The following FCGR3A variants were observed in gnomAD, a reference collection of about 807,000 sequenced individuals.
FCGR3A encodes low affinity immunoglobulin gamma Fc region receptor III-A.
Under a neutral mutation model 24.1 loss-of-function variants are expected in FCGR3A, and 13 were observed. That is an observed-to-expected ratio of 0.54 (90% CI 0.35 to 0.86). The LOEUF (loss-of-function observed/expected upper bound fraction) is 0.86. FCGR3A is among the 40% of genes least tolerant of loss of function. The pLI, the probability that FCGR3A is intolerant of heterozygous loss-of-function variation, is 0.01. For missense variants in FCGR3A, 235 were observed against 298.0 expected (o/e 0.79, Z 1.56); for synonymous variants, 93 against 112.2 (o/e 0.83, Z 1.08).
chr1:161,546,609 G>A (rs1452271129), intron 3 of FCGR3A, among the ~76,000 whole-genome samples: 1 of 151,978 alleles, frequency 6.6e-6, no homozygotes, highest in Non-Finnish European at 1.5e-5. Flanking sequence ...CTGCCTGAAA[G>A]AAGTAAAAAA....
At chr1:161,543,278 T>C in intron 4 of FCGR3A, 79 bp from the exon 5 acceptor site, 1 of 1,525,654 alleles carries the variant, frequency 6.6e-7, no homozygotes, top group Non-Finnish European at 8.9e-7. Flanking sequence ...AGGTCACCAG[T>C]AGAAAGTCTT....
At chr1:161,546,186 G>T (rs1557854944) in intron 3 of FCGR3A, among the ~76,000 whole-genome samples, 1 of 152,030 alleles carries the variant, frequency 6.6e-6, no homozygotes. Context: ...CAAACAGAAA[G>T]TAATCTTCAT....
upstream of FCGR3A, chr1:161,549,923 T>A (rs915403696): frequency 6.5e-7 from 1 of 1,536,226 alleles, no homozygotes; most frequent in Non-Finnish European, 8.9e-7. Context: ...AGCCCCACCA[T>A]AGAACAGGAC....
In FCGR3A at chr1:161,542,991, A is replaced by G. The variant is rs779795990; in HGVS notation, c.*21T>C. On this transcript the variant is annotated 3_prime_UTR_variant, in exon 5 of 5. Transcript: ENST00000443193. ...CAGAGATGCTGCTGCTACTGCTCTT[A>G]TTACCCCCATGGGATGGGGGTCATT... 8.8e-6 allele frequency: 14 copies of G among 1,589,172 alleles called. No homozygotes were observed. In the East Asian group the frequency reaches 1.8e-4, roughly 20 times the overall value.
chr1:161,548,291 A>C, intron 3 of FCGR3A, 130 bp downstream of exon 3: 1 of 1,474,854 alleles, frequency 6.8e-7, no homozygotes, highest in Non-Finnish European at 9.3e-7. Context: ...GATACCATTC[A>C]GTGGGACCAC....
intron 3 of FCGR3A, chr1:161,545,292 A>T (rs1474978710): frequency 8.7e-6 from 3 of 343,430 alleles, no homozygotes; most frequent in Admixed American, 8.7e-5. Context: ...GTGGCAGGTG[A>T]CAAGGATTCA....
At chr1:161,547,887 T>G (rs1410846211) in intron 3 of FCGR3A, among the ~76,000 whole-genome samples, 2 of 152,302 alleles carry the variant, frequency 1.3e-5, no homozygotes, top group Non-Finnish European at 2.9e-5. Flanking sequence ...CTGACCAACA[T>G]GGTGAAACCC....
At chr1:161,549,921 C>T (rs529683251), upstream of FCGR3A, 2 of 1,543,040 alleles carry the variant, frequency 1.3e-6, no homozygotes, top group South Asian at 2.4e-5. Flanking sequence ...GGAGCCCCAC[C>T]ATAGAACAGG....
At chr1:161,547,749 C>T (rs1475941240) in intron 3 of FCGR3A, among the ~76,000 whole-genome samples, 1 of 152,248 alleles carries the variant, frequency 6.6e-6, no homozygotes, top group Non-Finnish European at 1.5e-5. Flanking sequence ...GATTGAGGTC[C>T]TAACACCAAA....
intron 1 of FCGR3A, 36 bp downstream of exon 1, chr1:161,549,661 C>T (rs1181519016): frequency 1.9e-6 from 3 of 1,612,166 alleles, no homozygotes; most frequent in Non-Finnish European, 2.5e-6. Flanking sequence ...CAAGGCATCT[C>T]AAACTTCTCC....
At chr1:161,543,797 T>G (rs1434119913) in intron 4 of FCGR3A, among the ~76,000 whole-genome samples, 153 of 152,064 alleles carry the variant, frequency 1.0e-3, no homozygotes, top group African/African-American at 3.5e-3. Context: ...TTTGCTGCCT[T>G]TCTACATGCA....
At position 161,548,640 on chromosome 1, in the gene FCGR3A, A is replaced by G. The variant is rs780437274; in HGVS notation, c.100T>C (p.Trp34Arg). The change falls in exon 3 of 5, where the codon TGG becomes CGG. Residue 34 changes from tryptophan to arginine, a missense_variant. Trp to Arg is a moderately radical substitution (Grantham distance 101). Coordinates refer to ENST00000443193, the MANE Select transcript of FCGR3A (RefSeq NM_000569.8). ...CTGTCCTTCTCGAGCACCCTGTACC[A>G]TTGAGGCTCCAGGAACACCACAGCC... ...PKAVVFLEPQWYRVLEKDSVT... is the reference protein window; with the variant it reads ...PKAVVFLEPQRYRVLEKDSVT... 5.0e-6 allele frequency: 8 copies of G among 1,613,810 alleles called. No homozygotes were observed. In the African/African-American group the frequency reaches 6.7e-5, roughly 13 times the overall value.
Position 161,544,751 on chromosome 1 carries a change from A to G in FCGR3A, c.527T>C (p.Phe176Ser). The G allele has an allele frequency of 1.2e-6, 2 of 1,612,134 alleles. No individual in the cohort carries two copies. Among genetic ancestry groups the G allele is most frequent in the Non-Finnish European group, 1.7e-6 (2 of 1,178,446 alleles). The change falls in exon 4 of 5, where the codon TTT becomes TCT. Residue 176 changes from phenylalanine to serine, a missense_variant. Transcript: ENST00000443193. ...CTCTGAAGACACATTTTTACTCCCA[A>G]AAAGCCCCCTGCAGAAGTAGGAGCC... Reference protein sequence around the residue: ...DSGSYFCRGLFGSKNVSSETV... With the variant: ...DSGSYFCRGLSGSKNVSSETV...
chr1:161,546,904 C>T (rs1557855669), intron 3 of FCGR3A, among the ~76,000 whole-genome samples: 1 of 151,220 alleles, frequency 6.6e-6, no homozygotes, highest in Non-Finnish European at 1.5e-5. Flanking sequence ...GACTCTGTCT[C>T]AAAAACAAAA....
Position 161,542,784 on chromosome 1 carries a change from C to T in FCGR3A, c.*228G>A, listed in dbSNP as rs1381967024. On this transcript the variant is annotated 3_prime_UTR_variant, in exon 5 of 5. Transcript: ENST00000443193. Reference sequence around the variant, plus strand: ...AAGTGTTTGTGTAGCTCTGAAACTTCAATTTCTAGGAATGCAGCTACTCAC... The same window carrying T: ...AAGTGTTTGTGTAGCTCTGAAACTTTAATTTCTAGGAATGCAGCTACTCAC... 1 of 426,418 alleles carries T rather than the reference C, an allele frequency of 2.3e-6. No homozygotes were observed. The highest frequency in any genetic ancestry group is 4.2e-6 in the Non-Finnish European group (1 of 237,122). The allele number at this position is 426,418 out of a possible 1,614,324, so 26.4% of individuals were successfully genotyped here. A position where few individuals can be genotyped will look rare whatever the true frequency, so the allele number is the denominator to read the frequency against.
rs746705904 is a variant in FCGR3A, at chr1:161,542,278, C to G, written c.*734G>C. On this transcript the variant is annotated 3_prime_UTR_variant, in exon 5 of 5. Coordinates refer to ENST00000443193, the MANE Select transcript of FCGR3A (RefSeq NM_000569.8). ...GGTTTGTTCTGTACTTTCTTTTCCA[C>G]CCCACCCCCCACCGCAATCCTCAGT... is the stretch of plus-strand genomic sequence containing the variant. The G allele has an allele frequency of 1.3e-5, 2 of 151,522 alleles. No homozygotes were observed. The highest frequency in any genetic ancestry group is 2.1e-4 in the South Asian group (1 of 4,768). 9.4% of individuals were successfully genotyped at this position (151,522 alleles called of 1,614,324 possible).
intron 3 of FCGR3A, 72 bp downstream of exon 3, chr1:161,548,349 C>G: frequency 6.2e-7 from 1 of 1,606,222 alleles, no homozygotes. Context: ...ATCTCTGGCT[C>G]TTACCAAGTA....
chr1:161,549,843 A>G (rs1557859030), upstream of FCGR3A: 2 of 1,612,382 alleles, frequency 1.2e-6, no homozygotes, highest in South Asian at 1.1e-5. Context: ...CCCTCCACCC[A>G]TCTCTGTCAC....
At position 161,546,861 on chromosome 1, in the gene FCGR3A, C is replaced by T. The variant is rs547575160; in HGVS notation, c.319+1560G>A. On this transcript the variant is annotated intron_variant, in intron 3 of 4. Transcript: ENST00000443193. ...TGGAGGTTGCAGTGAGCCAAGATTG[C>T]GCCACTGCACTCCAGCTTGGGTGAC... is the stretch of plus-strand genomic sequence containing the variant. Among the ~76,000 whole-genome samples the T allele has an allele frequency of 3.9e-3, 598 of 151,952 alleles. 7 individuals carry two copies. Among genetic ancestry groups the T allele is most frequent in the Non-Finnish European group, 5.7e-3 (390 of 67,942 alleles).
Sources: gnomAD v4.1 joint callset for allele counts (sites outside exome capture counted in the v4.1 genomes callset) on GRCh38, gnomAD v4.1.1 for gene constraint, MANE v1.5 for transcripts, NCBI Gene and HGNC (gene_info 2026-07-23, HGNC 2026-07-21) for gene names.